SH2B3: variants seen among roughly 807,000 people sequenced by gnomAD.
SH2B3 encodes SH2B adapter protein 3.
A neutral mutation model predicts 51.9 loss-of-function variants in SH2B3; 43 were observed. That is an observed-to-expected ratio of 0.83 (90% confidence interval 0.65 to 1.07). SH2B3 has a LOEUF of 1.07. Among genes scored for constraint, SH2B3 ranks in the 50% least tolerant of loss-of-function variants. The pLI is 0.00. For missense variants in SH2B3, 952 were observed against 834.3 expected (o/e 1.14, Z -1.74); for synonymous variants, 396 against 376.0 (o/e 1.05, Z -0.62).
At chr12:111,417,484 ATTTATTTT>A (rs1261500275) in intron 1 of SH2B3, among the ~76,000 whole-genome samples, 1 of 151,406 alleles carries the variant, frequency 6.6e-6, no homozygotes, top group Non-Finnish European at 1.5e-5. Flanking sequence ...TTATTTATTT[ATTTATTTT>A]TTGAGACAGA....
rs569461306 is a variant in SH2B3 at position 111,435,471 on chromosome 12, G to A, written c.733-11282G>A. Among the ~76,000 whole-genome samples the A allele has an allele frequency of 6.6e-6, 1 of 152,260 alleles. No individual in the cohort carries two copies. Among genetic ancestry groups the A allele is most frequent in the East Asian group, 1.9e-4 (1 of 5,178 alleles). On this transcript the variant is annotated intron_variant, in intron 2 of 7. Transcript: ENST00000341259. The surrounding 1 kb of genome is among the most constrained non-coding windows in gnomAD (Gnocchi z 4.8). ...CGCCTCCCAGGTTCAGGTGATTCTC[G>A]TGCCTCAGCCTCCTGAGTAGCTGGG...
chr12:111,442,579 G>C (rs933346529), intron 2 of SH2B3, among the ~76,000 whole-genome samples: 1 of 152,188 alleles, frequency 6.6e-6, no homozygotes, highest in African/African-American at 2.4e-5. Context: ...GGCTGGTCTG[G>C]GCCAAGCCCT....
intron 2 of SH2B3, among the ~76,000 whole-genome samples, chr12:111,430,229 C>T (rs1284554376): frequency 1.3e-5 from 2 of 152,204 alleles, no homozygotes; most frequent in Admixed American, 6.5e-5. Context: ...GCCCCAGCCA[C>T]ACACACTGCC....
intron 2 of SH2B3, among the ~76,000 whole-genome samples, chr12:111,441,479 G>A (rs1323296665): frequency 6.6e-6 from 1 of 152,172 alleles, no homozygotes; most frequent in Non-Finnish European, 1.5e-5. Flanking sequence ...TCAGGGTGGT[G>A]GAGTTGCTGC....
chr12:111,427,259 G>GC (rs1872081719), intron 2 of SH2B3, among the ~76,000 whole-genome samples: 1 of 151,980 alleles, frequency 6.6e-6, no homozygotes, highest in African/African-American at 2.4e-5. Context: ...AGTGACGTGT[G>GC]CCTATAATCC....
intron 2 of SH2B3, among the ~76,000 whole-genome samples, chr12:111,432,971 G>A (rs1565979759): frequency 6.6e-6 from 1 of 152,182 alleles, no homozygotes; most frequent in Non-Finnish European, 1.5e-5. Flanking sequence ...GAACATTCGT[G>A]GACAAGTTTT....
intron 1 of SH2B3, among the ~76,000 whole-genome samples, chr12:111,414,668 G>T (rs1311893539): frequency 6.6e-6 from 1 of 152,090 alleles, no homozygotes; most frequent in Non-Finnish European, 1.5e-5. Context: ...GCTTTTTGGG[G>T]TTTCTTGTGG....
Position 111,429,836 on chromosome 12 carries a change from G to C in SH2B3, c.732+10959G>C, listed in dbSNP as rs1402821549. Among the ~76,000 whole-genome samples the C allele has an allele frequency of 6.6e-6, 1 of 152,206 alleles. No homozygotes were observed. The highest frequency in any genetic ancestry group is 1.5e-5 in the Non-Finnish European group (1 of 68,044). ...GGAAATGAGAGTCCCTGGTGGGTCTGCCAAGGCCGGGGGGCACCAGGGGCA... is the reference window on the plus strand; with the variant it reads ...GGAAATGAGAGTCCCTGGTGGGTCTCCCAAGGCCGGGGGGCACCAGGGGCA... On this transcript the variant is annotated intron_variant, in intron 2 of 7. Coordinates refer to ENST00000341259, the MANE Select transcript of SH2B3 (RefSeq NM_005475.3). This position sits in a 1 kb window ranked among gnomAD's most constrained non-coding sequence, Gnocchi z 4.4.
chr12:111,423,380 AT>A (rs1340400146), intron 2 of SH2B3, among the ~76,000 whole-genome samples: 1 of 151,636 alleles, frequency 6.6e-6, no homozygotes, highest in Non-Finnish European at 1.5e-5. Flanking sequence ...TTTATTTTTT[AT>A]TTTTTTGAGA....
intron 1 of SH2B3, among the ~76,000 whole-genome samples, chr12:111,416,350 C>G (rs1871088872): frequency 6.6e-6 from 1 of 152,176 alleles, no homozygotes; most frequent in Non-Finnish European, 1.5e-5. Context: ...GGCTTTACAG[C>G]TATCAATTCA....
intron 2 of SH2B3, among the ~76,000 whole-genome samples, chr12:111,446,002 G>C (rs1490358613): frequency 6.6e-6 from 1 of 152,234 alleles, no homozygotes; most frequent in Non-Finnish European, 1.5e-5. Flanking sequence ...AGGGGTTGTA[G>C]TATTTTCCAG....
rs1874219405 is a variant in SH2B3, at chr12:111,448,103, T to A, written c.1529T>A (p.Leu510His). The A allele has an allele frequency of 6.2e-7, 1 of 1,613,922 alleles. No individual in the cohort carries two copies. Among genetic ancestry groups the A allele is most frequent in the South Asian group, 1.1e-5 (1 of 91,080 alleles). The part of the protein sequence containing the change: ...HLSSSGCPRG[L>H]SPEGLPGRSS... ...AGTTCTTCTGGCTGTCCCCGGGGGC[T>A]CAGCCCAGAGGGTCTCCCAGGGCGA... Residue 510 changes from leucine (L) to histidine (H), a missense_variant, in exon 8 of 8, where the codon CTC becomes CAC. Transcript: ENST00000341259.
At chr12:111,419,244 A>G (rs1430345243) in intron 2 of SH2B3, among the ~76,000 whole-genome samples, 1 of 152,182 alleles carries the variant, frequency 6.6e-6, no homozygotes, top group East Asian at 1.9e-4. Context: ...TGGAGGCTAC[A>G]GTGAGCCGTG....
At chr12:111,431,228 G>A (rs536329769) in intron 2 of SH2B3, among the ~76,000 whole-genome samples, 87 of 152,268 alleles carry the variant, frequency 5.7e-4, no homozygotes, top group Non-Finnish European at 1.1e-3. Context: ...CTCCCTCGCT[G>A]TGGCTGCTGC....
chr12:111,425,100 T>G (rs996794583), intron 2 of SH2B3, among the ~76,000 whole-genome samples: 4 of 152,100 alleles, frequency 2.6e-5, no homozygotes, highest in African/African-American at 9.7e-5. Flanking sequence ...TCACCTGCAG[T>G]TGGGCCCCAG....
upstream of SH2B3, among the ~76,000 whole-genome samples, chr12:111,405,795 G>GC (rs1870192361): frequency 6.6e-6 from 1 of 151,894 alleles, no homozygotes; most frequent in Non-Finnish European, 1.5e-5. The surrounding 1 kb of genome is among the most constrained non-coding windows in gnomAD (Gnocchi z 5.4). Flanking sequence ...CTCATGGCCC[G>GC]CCCCTCCAGC....
At chr12:111,411,567 C>G (rs1029854127) in intron 1 of SH2B3, among the ~76,000 whole-genome samples, 1 of 152,204 alleles carries the variant, frequency 6.6e-6, no homozygotes. Flanking sequence ...CAGCCAGGTT[C>G]CCAGCGATTC....
chr12:111,415,078 A>G (rs536952297), intron 1 of SH2B3, among the ~76,000 whole-genome samples: 1 of 152,298 alleles, frequency 6.6e-6, no homozygotes, highest in African/African-American at 2.4e-5. Context: ...ACACCTGAAG[A>G]GAGGATGAAG....
At chr12:111,425,743 C>G (rs1871947018) in intron 2 of SH2B3, among the ~76,000 whole-genome samples, 2 of 152,164 alleles carry the variant, frequency 1.3e-5, no homozygotes, top group African/African-American at 4.8e-5. Flanking sequence ...TACCTGTGGT[C>G]TCCCAGCTCA....
Sources: allele counts gnomAD v4.1 joint callset (sites outside exome capture counted in the v4.1 genomes callset), GRCh38; gene constraint gnomAD v4.1.1; non-coding constraint Gnocchi (gnomAD v3.1); transcripts MANE v1.5; gene names NCBI Gene and HGNC (gene_info 2026-07-23, HGNC 2026-07-21).